Variants in NCOR1 observed in about 807,000 individuals in gnomAD.
NCOR1 encodes nuclear receptor corepressor 1, also known as protein phosphatase 1, regulatory subunit 109.
Under a neutral mutation model 288.1 loss-of-function variants are expected in NCOR1, and 63 were observed. That is an observed-to-expected ratio of 0.22 (90% CI 0.18 to 0.27). The LOEUF (loss-of-function observed/expected upper bound fraction) is 0.27. Ranked by LOEUF, NCOR1 falls within the 10% of genes least tolerant of loss-of-function variation. The probability of loss-of-function intolerance (pLI) is 1.00; values close to 1 mark genes in which losing one functional copy is unlikely to be tolerated. For synonymous variants in NCOR1, 1,007 were observed against 1,065.9 expected (o/e 0.94, Z 1.08); for missense variants, 2,397 against 3,019.2 (o/e 0.79, Z 4.83).
In NCOR1 at chr17:16,080,442, C is replaced by A; in HGVS notation, c.3366G>T (p.Leu1122=). ...PRSQNSQPEG[L]LVRAQHEGVV... ...CACCTTCATGTTGGGCCCTGACCAA[C>A]AGACCCTCAGGTTGTGAGTTTTGGC... is the stretch of plus-strand genomic sequence containing the variant. Residue 1122 remains leucine (L), a synonymous_variant, in exon 25 of 46, where the codon CTG becomes CTT. Transcript: ENST00000268712. 6.2e-7 allele frequency: 1 copy of A among 1,614,164 alleles called. No individual in the cohort carries two copies. Among genetic ancestry groups the A allele is most frequent in the Non-Finnish European group, 8.5e-7 (1 of 1,180,010 alleles).
In NCOR1 at chr17:16,186,622, C is replaced by T. The variant is rs757901288; in HGVS notation, c.174G>A (p.Gln58=). 6 of 1,614,080 alleles carry T rather than the reference C, an allele frequency of 3.7e-6. No individual in the cohort carries two copies. In the South Asian group the frequency reaches 5.5e-5, roughly 15 times the overall value. Reference sequence around the variant, plus strand: ...TTCGAAGCTGTTGCTGCTGCTGTTGCTGCAAAAGCTGTGATGCCTGACTCA... The same window carrying T: ...TTCGAAGCTGTTGCTGCTGCTGTTGTTGCAAAAGCTGTGATGCCTGACTCA... ...LEVSQASQLL[Q]QQQQQQLRRR... Residue 58 remains glutamine (Q), a synonymous_variant, in exon 3 of 46, where the codon CAG becomes CAA. Coordinates refer to ENST00000268712, the MANE Select transcript of NCOR1 (RefSeq NM_006311.4).
chr17:16,038,899 T>C (rs1397988252), intron 44 of NCOR1, among the ~76,000 whole-genome samples: 1 of 152,170 alleles, frequency 6.6e-6, no homozygotes, highest in Non-Finnish European at 1.5e-5. Flanking sequence ...GCCTCCTGAG[T>C]ACCTGGGATT....
rs202117316 is a variant in NCOR1 at position 16,194,478 on chromosome 17, T to C, written c.92A>G (p.Asn31Ser). 77 of 1,606,388 alleles carry C rather than the reference T, an allele frequency of 4.8e-5. No homozygotes were observed. The highest frequency in any genetic ancestry group is 6.4e-5 in the Non-Finnish European group (75 of 1,175,000). Residue 31 changes from asparagine (N) to serine (S), a missense_variant, in exon 2 of 46, where the codon AAC becomes AGC. Around this residue, in one of 11 missense-constraint regions of NCOR1, gnomAD observed 55 missense variants for 69.6 expected, o/e 0.79. Coordinates refer to ENST00000268712, the MANE Select transcript of NCOR1 (RefSeq NM_006311.4). ...PPHSVQYTFP[N>S]TRHQQEFAVP... ...GTTCCTTACCTGCTGGTGGCGGGTGTTGGGAAATGTATACTGGACAGAGTG... is the reference window on the plus strand; with the variant it reads ...GTTCCTTACCTGCTGGTGGCGGGTGCTGGGAAATGTATACTGGACAGAGTG...
intron 39 of NCOR1, 58 bp downstream of exon 39, chr17:16,057,848 TC>T: frequency 6.6e-7 from 1 of 1,514,756 alleles, no homozygotes; most frequent in Non-Finnish European, 8.8e-7. Context: ...CTATATGAAA[TC>T]TGCTTTCCCC....
chr17:16,070,662 C>G (rs2061642659), intron 30 of NCOR1, 137 bp from the exon 31 acceptor site: 5 of 1,087,692 alleles, frequency 4.6e-6, no homozygotes, highest in Non-Finnish European at 5.3e-6. Context: ...TCAATCACAA[C>G]CCCACTGATC....
chr17:16,075,477 C>G (rs2062329145), intron 27 of NCOR1, 57 bp downstream of exon 27: 2 of 1,566,504 alleles, frequency 1.3e-6, no homozygotes, highest in African/African-American at 2.7e-5. Context: ...AAAACCCAAG[C>G]CTATGTTTTT....
chr17:16,183,734 A>G (rs1278760863), intron 3 of NCOR1, among the ~76,000 whole-genome samples: 1 of 152,150 alleles, frequency 6.6e-6, no homozygotes, highest in African/African-American at 2.4e-5. Context: ...AAATAGAAAA[A>G]ACAACCCTAA....
At chr17:16,192,418 G>A (rs1209581675) in intron 2 of NCOR1, among the ~76,000 whole-genome samples, 2 of 152,212 alleles carry the variant, frequency 1.3e-5, no homozygotes, top group Admixed American at 1.3e-4. Flanking sequence ...CGCTTTGGAA[G>A]GCCGAGGAGG....
chr17:16,209,776 A>C (rs113817408), intron 1 of NCOR1, among the ~76,000 whole-genome samples: 8 of 151,944 alleles, frequency 5.3e-5, no homozygotes, highest in African/African-American at 1.9e-4. Flanking sequence ...ACATGGCGAA[A>C]CTCTTTCTCT....
chr17:16,127,581 A>G (rs933028224), intron 14 of NCOR1, among the ~76,000 whole-genome samples: 5 of 143,376 alleles, frequency 3.5e-5, no homozygotes, highest in African/African-American at 1.1e-4. Context: ...ATATATACAT[A>G]TGTGTATATA....
At chr17:16,044,997 A>AAC in intron 42 of NCOR1, 1 of 477,860 alleles carries the variant, frequency 2.1e-6, no homozygotes, top group East Asian at 3.9e-5. Context: ...AGCTGAACTT[A>AAC]AGAAAAAAAA....
chr17:16,205,958 G>GA (rs1231054037), intron 1 of NCOR1, among the ~76,000 whole-genome samples: 1 of 149,212 alleles, frequency 6.7e-6, no homozygotes, highest in East Asian at 1.9e-4. Flanking sequence ...AAAAAAGAAA[G>GA]AAAGAAATAC....
rs530968769 is a variant in NCOR1 at position 16,160,757 on chromosome 17, A to G, written c.619-1884T>C. Among the ~76,000 whole-genome samples, 7 of 152,224 alleles carry G rather than the reference A, an allele frequency of 4.6e-5. No individual in the cohort carries two copies. The East Asian group carries it at 1.2e-3, about 25-fold the overall frequency. On this transcript the variant is annotated intron_variant, in intron 5 of 45. Coordinates refer to ENST00000268712, the MANE Select transcript of NCOR1 (RefSeq NM_006311.4). ...CAGTGAGCCAAGATCGCACCATTGC[A>G]CTCCAGCCTGGGCGACAGGGGGAGA...
chr17:16,085,637 AG>A (rs2064113375), intron 23 of NCOR1, among the ~76,000 whole-genome samples: 1 of 152,270 alleles, frequency 6.6e-6, no homozygotes, highest in South Asian at 2.1e-4. Flanking sequence ...TTCCATTCAC[AG>A]GAAGTTCTAG....
chr17:16,048,949 C>T lies in NCOR1; in HGVS notation c.6432G>A (p.Ser2144=), dbSNP rs536561227. Reference sequence around the variant, plus strand: ...GTGGGGAGATGGGCTCGTAGGGCTCCGAAGAGACGTGACTCCTCTCTGGGG... The same window carrying T: ...GTGGGGAGATGGGCTCGTAGGGCTCTGAAGAGACGTGACTCCTCTCTGGGG... ...GKSPERSHVS[S]EPYEPISPPQ... Residue 2144 remains serine, a synonymous_variant, in exon 41 of 46, where the codon TCG becomes TCA. Coordinates refer to ENST00000268712, the MANE Select transcript of NCOR1 (RefSeq NM_006311.4). 9.3e-6 allele frequency: 15 copies of T among 1,612,906 alleles called. No individual in the cohort carries two copies. The South Asian group carries it at 9.9e-5, about 11-fold the overall frequency.
At chr17:16,138,095 A>G (rs2076680886) in intron 13 of NCOR1, 63 bp downstream of exon 13, 1 of 1,392,986 alleles carries the variant, frequency 7.2e-7, no homozygotes, top group Admixed American at 1.8e-5. Flanking sequence ...GTCAGAGCAC[A>G]AGAATTTCAA....
At chr17:16,186,244 T>TGATTGA (rs915221917) in intron 3 of NCOR1, among the ~76,000 whole-genome samples, 1 of 152,144 alleles carries the variant, frequency 6.6e-6, no homozygotes, top group Non-Finnish European at 1.5e-5. Context: ...GATTTAAGTG[T>TGATTGA]TTTGTGATGA....
chr17:16,215,465 T>G lies in NCOR1; in HGVS notation c.-174A>C. 1 of 397,354 alleles carries G rather than the reference T, an allele frequency of 2.5e-6. No homozygotes were observed. The highest frequency in any genetic ancestry group is 3.6e-5 in the East Asian group (1 of 27,964). The allele number at this position is 397,354 out of a possible 1,614,324, so 24.6% of individuals were successfully genotyped here. On this transcript the variant is annotated 5_prime_UTR_variant, in exon 1 of 46. Coordinates refer to ENST00000268712, the MANE Select transcript of NCOR1 (RefSeq NM_006311.4). ...CCGGGACCTCGTTCGGCGCGGCGAG[T>G]CGGACGCTCACTCCAGCCGCCGCCG...
At chr17:16,093,566 T>C (rs1226854494) in intron 21 of NCOR1, among the ~76,000 whole-genome samples, 8 of 152,226 alleles carry the variant, frequency 5.3e-5, no homozygotes, top group Non-Finnish European at 1.2e-4. Context: ...ACCTCATGAA[T>C]AACAAATATC....
Sources: gnomAD v4.1 joint callset for allele counts (sites outside exome capture counted in the v4.1 genomes callset) on GRCh38, gnomAD v4.1.1 for gene constraint, gnomAD v4.1.1 regional missense constraint, MANE v1.5 for transcripts, NCBI Gene and HGNC (gene_info 2026-07-23, HGNC 2026-07-21) for gene names.